Variants in DNAH12 observed in about 807,000 individuals in gnomAD.
DNAH12 encodes axonemal beta dynein heavy chain 12.
DNAH12 carries 285 observed loss-of-function variants against 371.5 expected under a neutral mutation model. The observed-to-expected ratio is 0.77, with a 90% CI of 0.70 to 0.85. The LOEUF (loss-of-function observed/expected upper bound fraction) is 0.85. Among genes scored for constraint, DNAH12 ranks in the 40% least tolerant of loss-of-function variants. The pLI, the probability that DNAH12 is intolerant of heterozygous loss-of-function variation, is 0.00. For missense variants in DNAH12, 3,611 were observed against 3,689.4 expected, an observed-to-expected ratio of 0.98 and a Z score of 0.55; for synonymous variants, 1,200 against 1,213.0, an observed-to-expected ratio of 0.99 and a Z score of 0.22.
intron 70 of DNAH12, among the ~76,000 whole-genome samples, chr3:57,300,238 G>A (rs193050192): frequency 1.2e-4 from 18 of 152,206 alleles, no homozygotes; most frequent in Admixed American, 4.6e-4. Context: ...TGACCATGAC[G>A]CTGGCCCCAG....
At chr3:57,312,881 G>A (rs749606632) in intron 66 of DNAH12, among the ~76,000 whole-genome samples, 3 of 151,996 alleles carry the variant, frequency 2.0e-5, no homozygotes, top group African/African-American at 4.8e-5. Flanking sequence ...TTAAAGACTC[G>A]ATAAAATATC....
At position 57,415,482 on chromosome 3, in the gene DNAH12, G is replaced by A. The variant is rs1375925675; in HGVS notation, c.5797C>T (p.Gln1933Ter). ...DKLMNHLEKD[Q>*]YFPFYINLSA... ...AAGTTAATATAAAAAGGAAAGTACT[G>A]GTCCTTTTCCAAGTGATTCATTAGC... The change falls in exon 38 of 74, where the codon CAG becomes TAG. Residue 1933 changes from glutamine to a stop codon, truncating the protein, a stop_gained. Transcript: ENST00000495027. LOFTEE classifies it high-confidence loss of function. The A allele has an allele frequency of 1.3e-6, 2 of 1,551,080 alleles. No homozygotes were observed. The highest frequency in any genetic ancestry group is 1.7e-4 in the Middle Eastern group (1 of 5,988).
At chr3:57,409,732 G>A (rs116264650) in intron 39 of DNAH12, among the ~76,000 whole-genome samples, 2,578 of 152,078 alleles carry the variant, frequency 0.017, 26 homozygotes, top group Non-Finnish European at 0.027. Flanking sequence ...TTTGAAATTC[G>A]TCTACCCTTG....
chr3:57,324,645 C>T (rs933639793), intron 62 of DNAH12, among the ~76,000 whole-genome samples: 5 of 152,160 alleles, frequency 3.3e-5, no homozygotes, highest in Non-Finnish European at 5.9e-5. Flanking sequence ...GTGAGCCACG[C>T]AGAAGAGGGG....
chr3:57,406,356 CAA>C (rs782271639), intron 40 of DNAH12, among the ~76,000 whole-genome samples: 21 of 95,990 alleles, frequency 2.2e-4, no homozygotes, highest in South Asian at 6.2e-4. Context: ...GATTCTGCCT[CAA>C]AAAAAAAAAA....
chr3:57,507,945 T>C, intron 7 of DNAH12, 107 bp from the exon 8 acceptor site: 1 of 1,004,186 alleles, frequency 1.0e-6, no homozygotes, highest in Non-Finnish European at 1.4e-6. Flanking sequence ...TCTCAGCACT[T>C]TGGGAGGCTG....
chr3:57,310,861 A>G lies in DNAH12; in HGVS notation c.10752T>C (p.Asp3584=). ...ECNYGGRVTD[D]WDRRLLLTML... ...TGGTTAATAGAAGACGTCTGTCCCAATCGTCTGTCACTCTTCCTCCATAAT... is the reference window on the plus strand; with the variant it reads ...TGGTTAATAGAAGACGTCTGTCCCAGTCGTCTGTCACTCTTCCTCCATAAT... The change falls in exon 67 of 74, where the codon GAT becomes GAC. Residue 3584 remains aspartate (D), a synonymous_variant. Coordinates refer to ENST00000495027, the MANE Select transcript of DNAH12 (RefSeq NM_001366028.2). 1.3e-6 allele frequency: 2 copies of G among 1,551,434 alleles called. No homozygotes were observed. Among genetic ancestry groups the G allele is most frequent in the Non-Finnish European group, 1.7e-6 (2 of 1,146,772 alleles).
chr3:57,518,342 T>C (rs1211870549), intron 4 of DNAH12, among the ~76,000 whole-genome samples: 1 of 152,030 alleles, frequency 6.6e-6, no homozygotes, highest in Non-Finnish European at 1.5e-5. Context: ...TTGGCCAACA[T>C]GGTGAAACCC....
intron 13 of DNAH12, 142 bp downstream of exon 13, chr3:57,483,234 T>C (rs1333263909): frequency 2.4e-5 from 22 of 917,644 alleles, no homozygotes; most frequent in Non-Finnish European, 3.5e-5. Context: ...GCTGACAATA[T>C]CCTATTTCTT....
At chr3:57,504,305 T>A in intron 8 of DNAH12, 101 bp from the exon 9 acceptor site, 1 of 1,085,228 alleles carries the variant, frequency 9.2e-7, no homozygotes, top group Non-Finnish European at 1.3e-6. Context: ...TATAATTGTC[T>A]ATAATTAAAA....
chr3:57,415,271 G>A (rs114471599), intron 38 of DNAH12, among the ~76,000 whole-genome samples, 155 bp downstream of exon 38: 1 of 152,008 alleles, frequency 6.6e-6, no homozygotes, highest in Non-Finnish European at 1.5e-5. Context: ...TCTGAAACTT[G>A]TATCATTAAT....
chr3:57,324,158 A>G (rs2061876632), intron 62 of DNAH12, among the ~76,000 whole-genome samples: 1 of 152,188 alleles, frequency 6.6e-6, no homozygotes, highest in African/African-American at 2.4e-5. Context: ...GCATGAAAGA[A>G]CCTGAGTTTC....
At chr3:57,380,004 AATTT>A (rs1310944046) in intron 51 of DNAH12, among the ~76,000 whole-genome samples, 16 of 152,178 alleles carry the variant, frequency 1.1e-4, no homozygotes, top group African/African-American at 3.4e-4. Context: ...CTTAATAATT[AATTT>A]ATCATAACAA....
intron 55 of DNAH12, among the ~76,000 whole-genome samples, chr3:57,370,088 A>C (rs2153335928): frequency 6.6e-6 from 1 of 152,214 alleles, no homozygotes; most frequent in East Asian, 1.9e-4. Context: ...TGAAGAAAGC[A>C]GCATTATCCA....
chr3:57,415,921 T>C (rs1378064908), intron 37 of DNAH12, among the ~76,000 whole-genome samples: 1 of 151,850 alleles, frequency 6.6e-6, no homozygotes, highest in Non-Finnish European at 1.5e-5. Flanking sequence ...CCCAAGTAGC[T>C]GGGACTACAG....
chr3:57,353,702 T>C (rs2062736020), intron 59 of DNAH12, among the ~76,000 whole-genome samples: 1 of 151,944 alleles, frequency 6.6e-6, no homozygotes, highest in Non-Finnish European at 1.5e-5. Flanking sequence ...AACAACCCCA[T>C]TAAAAAGTAG....
At chr3:57,349,422 G>C (rs978049421) in intron 60 of DNAH12, among the ~76,000 whole-genome samples, 13 of 152,174 alleles carry the variant, frequency 8.5e-5, no homozygotes, top group Non-Finnish European at 1.9e-4. Context: ...ATTCCTTAAA[G>C]AGCTAAAAGT....
intron 25 of DNAH12, among the ~76,000 whole-genome samples, chr3:57,450,249 T>TAAAAA (rs1559675073): frequency 6.3e-5 from 1 of 15,984 alleles, no homozygotes; most frequent in Non-Finnish European, 1.4e-4. Context: ...CTGTCTCAAT[T>TAAAAA]TAAAAAAAAA....
intron 32 of DNAH12, 65 bp from the exon 33 acceptor site, chr3:57,429,839 T>C: frequency 2.2e-6 from 3 of 1,345,592 alleles, no homozygotes; most frequent in Non-Finnish European, 3.0e-6. Context: ...TAAAAATTTA[T>C]ACTATGTATA....
Sources: gnomAD v4.1 joint callset for allele counts (sites outside exome capture counted in the v4.1 genomes callset) on GRCh38, gnomAD v4.1.1 for gene constraint, MANE v1.5 for transcripts, NCBI Gene and HGNC (gene_info 2026-07-23, HGNC 2026-07-21) for gene names.